GPR89B: variants seen among roughly 807,000 people sequenced by gnomAD.
GPR89B encodes golgi pH regulator B.
Under a neutral mutation model 52.4 loss-of-function variants are expected in GPR89B, and 25 were observed. The ratio of observed to expected loss-of-function variants is 0.48; its 90% CI spans 0.35 to 0.67. The LOEUF is 0.67. Among genes scored for constraint, GPR89B ranks in the 30% least tolerant of loss-of-function variants. The pLI, the probability that GPR89B is intolerant of heterozygous loss-of-function variation, is 0.01. For synonymous variants in GPR89B, 52 were observed against 151.2 expected, an observed-to-expected ratio of 0.34 and a Z score of 4.81; for missense variants, 146 against 450.2, an observed-to-expected ratio of 0.32 and a Z score of 6.11.
the GPR89B span, among the ~76,000 whole-genome samples, chr1:148,023,318 A>G: frequency 0.016 from 2,296 of 146,000 alleles, 47 homozygotes; most frequent in Middle Eastern, 0.024. Flanking sequence ...TGTATGTACC[A>G]CATTTTCTTT....
At chr1:148,018,461 G>T in the GPR89B span, among the ~76,000 whole-genome samples, 1 of 149,814 alleles carries the variant, frequency 6.7e-6, no homozygotes, top group African/African-American at 2.5e-5. Flanking sequence ...GGCAGGAAGA[G>T]ATTTTATAAA....
chr1:148,003,211 G>A, the GPR89B span, among the ~76,000 whole-genome samples: 8 of 152,200 alleles, frequency 5.3e-5, no homozygotes, highest in African/African-American at 1.9e-4. Context: ...ACTTATGGGC[G>A]AATAGCAGTT....
At chr1:147,962,558 A>G (rs1656665880) in intron 7 of GPR89B, among the ~76,000 whole-genome samples, 2 of 152,070 alleles carry the variant, frequency 1.3e-5, no homozygotes, top group South Asian at 4.1e-4. Flanking sequence ...TTAGGCGTCC[A>G]TAGGTTTAAA....
chr1:147,942,575 A>G (rs1488029800), intron 3 of GPR89B, among the ~76,000 whole-genome samples: 4 of 151,938 alleles, frequency 2.6e-5, no homozygotes, highest in African/African-American at 7.3e-5. Flanking sequence ...TAATGAATGC[A>G]GAAACAAAAT....
the GPR89B span, among the ~76,000 whole-genome samples, chr1:148,005,891 G>A: frequency 1.3e-5 from 2 of 151,980 alleles, no homozygotes; most frequent in South Asian, 4.2e-4. Context: ...AACTGGATTT[G>A]CCTGCCTTGT....
At chr1:147,951,685 T>C (rs1655713352) in intron 5 of GPR89B, among the ~76,000 whole-genome samples, 1 of 152,028 alleles carries the variant, frequency 6.6e-6, no homozygotes, top group Non-Finnish European at 1.5e-5. Flanking sequence ...AAAAGTATGG[T>C]GACTTCTAGT....
chr1:147,970,222 A>G (rs1456341116), intron 10 of GPR89B, among the ~76,000 whole-genome samples: 1 of 151,908 alleles, frequency 6.6e-6, no homozygotes, highest in Non-Finnish European at 1.5e-5. Flanking sequence ...GAGGCCGGGC[A>G]TGGTGGCTCA....
chr1:148,021,555 C>T, the GPR89B span, among the ~76,000 whole-genome samples: 2 of 151,392 alleles, frequency 1.3e-5, no homozygotes, highest in African/African-American at 4.9e-5. Context: ...GAACTGGGGC[C>T]CAGGGAAAGG....
the GPR89B span, among the ~76,000 whole-genome samples, chr1:148,007,021 T>C: frequency 6.6e-6 from 1 of 151,794 alleles, no homozygotes; most frequent in African/African-American, 2.4e-5. Flanking sequence ...CCAGCCACTT[T>C]ACAGCTTCTC....
At chr1:147,952,747 C>A (rs1198084132) in intron 5 of GPR89B, among the ~76,000 whole-genome samples, 1 of 151,736 alleles carries the variant, frequency 6.6e-6, no homozygotes, top group African/African-American at 2.4e-5. Flanking sequence ...TTTCAGCATT[C>A]TCACGTGATA....
chr1:148,008,714 G>A, the GPR89B span, among the ~76,000 whole-genome samples: 614 of 152,230 alleles, frequency 4.0e-3, 4 homozygotes, highest in African/African-American at 0.014. Flanking sequence ...TGATGGTCAG[G>A]GTTTCTCAAA....
chr1:148,005,616 C>T, the GPR89B span: 13 of 1,168,412 alleles, frequency 1.1e-5, no homozygotes, highest in Non-Finnish European at 1.6e-5. Context: ...TGATTGCCTC[C>T]CGATTCCTAC....
chr1:148,006,388 G>A, the GPR89B span, among the ~76,000 whole-genome samples: 3 of 152,218 alleles, frequency 2.0e-5, no homozygotes, highest in East Asian at 5.8e-4. Flanking sequence ...ACAGGAGGGA[G>A]GGAAGAACCC....
intron 10 of GPR89B, among the ~76,000 whole-genome samples, chr1:147,981,349 A>ACACACACACAC (rs1571309753): frequency 2.0e-5 from 3 of 150,720 alleles, no homozygotes; most frequent in South Asian, 2.1e-4. Context: ...ACACACACAC[A>ACACACACACAC]AAATTAATAG....
At chr1:147,983,275 T>C (rs2149090204) in intron 10 of GPR89B, among the ~76,000 whole-genome samples, 1 of 152,300 alleles carries the variant, frequency 6.6e-6, no homozygotes, top group South Asian at 2.1e-4. Flanking sequence ...AAGGACTTCA[T>C]GTCTAAAAGC....
Position 147,993,085 on chromosome 1 carries a change from G to A in GPR89B, c.*168G>A. 1.3e-6 allele frequency: 2 copies of A among 1,542,278 alleles called. No homozygotes were observed. Among genetic ancestry groups the A allele is most frequent in the Non-Finnish European group, 1.7e-6 (2 of 1,146,868 alleles). On this transcript the variant is annotated 3_prime_UTR_variant, in exon 14 of 14. Transcript: ENST00000314163. ...CCCCCTCAGGTGATACTATGACCAT[G>A]AGTAGCATCAGCCAGAACATGAGAG...
At chr1:147,989,500 G>T (rs1378933489) in intron 12 of GPR89B, among the ~76,000 whole-genome samples, 7 of 150,938 alleles carry the variant, frequency 4.6e-5, no homozygotes, top group Non-Finnish European at 1.0e-4. Context: ...GTTACATTTG[G>T]ATACATGTGC....
the GPR89B span, among the ~76,000 whole-genome samples, chr1:148,006,689 C>A: frequency 1.3e-5 from 2 of 151,100 alleles, no homozygotes; most frequent in African/African-American, 2.4e-5. Flanking sequence ...AAATCGAGAA[C>A]TTTTCACTTA....
downstream of GPR89B, among the ~76,000 whole-genome samples, chr1:147,996,281 GTT>G (rs1246263630): frequency 6.7e-6 from 1 of 150,012 alleles, no homozygotes; most frequent in Non-Finnish European, 1.5e-5. Context: ...GTCAACTAGA[GTT>G]CAGTCAACTC....
Sources: allele counts gnomAD v4.1 joint callset (sites outside exome capture counted in the v4.1 genomes callset), GRCh38; gene constraint gnomAD v4.1.1; transcripts MANE v1.5; gene names NCBI Gene and HGNC (gene_info 2026-07-23, HGNC 2026-07-21).